LRMDA: variants seen among roughly 807,000 people sequenced by gnomAD.
LRMDA encodes leucine rich melanocyte differentiation associated, also known as leucine-rich melanocyte differentiation-associated protein.
Under a neutral mutation model 29.8 loss-of-function variants are expected in LRMDA, and 18 were observed. That is an observed-to-expected ratio of 0.60 (90% CI 0.42 to 0.90). The LOEUF (loss-of-function observed/expected upper bound fraction) is 0.90, where lower values mean the gene tolerates loss of function less well. LRMDA is among the 40% of genes least tolerant of loss of function. LRMDA has a pLI of 0.00. For synonymous variants in LRMDA, 125 were observed against 109.4 expected (o/e 1.14, Z -0.89); for missense variants, 273 against 273.9 (o/e 1.00, Z 0.02).
chr10:75,942,276 A>G (rs1028464151), intron 2 of LRMDA, among the ~76,000 whole-genome samples: 21 of 152,176 alleles, frequency 1.4e-4, no homozygotes, highest in African/African-American at 5.1e-4. Context: ...ACCTCACCCC[A>G]GATGCCCATC....
At position 76,521,332 on chromosome 10, in the gene LRMDA, C is replaced by T. The variant is rs148036119; in HGVS notation, c.602-35877C>T. 4.3e-3 allele frequency among the ~76,000 whole-genome samples: 660 copies of T among 152,216 alleles called. 1 individual carries two copies. The highest frequency in any genetic ancestry group is 0.015 in the African/African-American group (617 of 41,542). ...TGTATTTTTAGTAGAGACGGGGTTTCACCGTGTTAACCAGGATAGTCTCAA... is the reference window on the plus strand; with the variant it reads ...TGTATTTTTAGTAGAGACGGGGTTTTACCGTGTTAACCAGGATAGTCTCAA... On this transcript the variant is annotated intron_variant, in intron 6 of 6. Coordinates refer to ENST00000611255, the MANE Select transcript of LRMDA (RefSeq NM_001305581.2).
intron 6 of LRMDA, among the ~76,000 whole-genome samples, chr10:76,417,371 A>G (rs943215755): frequency 6.6e-6 from 1 of 152,184 alleles, no homozygotes; most frequent in Non-Finnish European, 1.5e-5. Flanking sequence ...TTGCCAACTT[A>G]TTTTAAAATA....
intron 5 of LRMDA, among the ~76,000 whole-genome samples, chr10:76,228,059 G>A (rs149398018): frequency 1.1e-3 from 168 of 148,050 alleles, no homozygotes; most frequent in African/African-American, 3.9e-3. Flanking sequence ...GTCTCGCTCT[G>A]TTGCTAGGCT....
At chr10:76,383,719 C>T (rs913912904) in intron 6 of LRMDA, among the ~76,000 whole-genome samples, 9 of 151,986 alleles carry the variant, frequency 5.9e-5, no homozygotes, top group South Asian at 2.1e-4. Context: ...CGTGAGCCAC[C>T]GCGCCCGGCC....
intron 2 of LRMDA, among the ~76,000 whole-genome samples, chr10:76,008,166 G>T (rs1847706897): frequency 1.3e-5 from 2 of 152,134 alleles, no homozygotes; most frequent in Non-Finnish European, 1.5e-5. Flanking sequence ...TTTGCGTTGG[G>T]GTGGCTAATG....
At chr10:76,370,623 A>G (rs1589154593) in intron 6 of LRMDA, among the ~76,000 whole-genome samples, 1 of 152,190 alleles carries the variant, frequency 6.6e-6, no homozygotes, top group Non-Finnish European at 1.5e-5. Flanking sequence ...GAAAGACTAT[A>G]TTCGTATAAC....
intron 2 of LRMDA, among the ~76,000 whole-genome samples, chr10:75,848,114 A>G (rs968263327): frequency 6.6e-6 from 1 of 152,340 alleles, no homozygotes; most frequent in East Asian, 1.9e-4. Context: ...TTTCTCACTT[A>G]TGTTCATTGC....
At chr10:76,216,116 G>A (rs970695516) in intron 5 of LRMDA, among the ~76,000 whole-genome samples, 1 of 152,204 alleles carries the variant, frequency 6.6e-6, no homozygotes. Flanking sequence ...CATTTTGGGA[G>A]GCCAACACAG....
intron 4 of LRMDA, among the ~76,000 whole-genome samples, chr10:76,050,871 A>T (rs764746002): frequency 5.3e-5 from 8 of 152,140 alleles, no homozygotes; most frequent in Non-Finnish European, 1.2e-4. Flanking sequence ...TCTGGACTTC[A>T]CCTTTCAAAT....
intron 2 of LRMDA, among the ~76,000 whole-genome samples, chr10:75,960,974 C>A (rs1846754918): frequency 6.6e-6 from 1 of 152,158 alleles, no homozygotes; most frequent in Admixed American, 6.6e-5. Context: ...GCCCATCTTT[C>A]TATCCTAGGG....
chr10:75,854,548 A>T (rs564871029), intron 2 of LRMDA, among the ~76,000 whole-genome samples: 6 of 152,024 alleles, frequency 3.9e-5, no homozygotes, highest in South Asian at 2.1e-4. Flanking sequence ...AAAAATGACC[A>T]ATTTATTTAT....
At chr10:76,150,295 G>A (rs767775233) in intron 5 of LRMDA, among the ~76,000 whole-genome samples, 2 of 152,198 alleles carry the variant, frequency 1.3e-5, no homozygotes, top group East Asian at 1.9e-4. Flanking sequence ...CTGGGCATGC[G>A]TGTGGGTGCC....
At chr10:75,457,749 T>G (rs1844537315) in intron 2 of LRMDA, among the ~76,000 whole-genome samples, 1 of 152,224 alleles carries the variant, frequency 6.6e-6, no homozygotes, top group East Asian at 1.9e-4. Flanking sequence ...GCATTTTCCA[T>G]CAGTTACAGG....
intron 6 of LRMDA, among the ~76,000 whole-genome samples, chr10:76,467,229 A>G (rs1349553411): frequency 6.6e-6 from 1 of 152,174 alleles, no homozygotes; most frequent in African/African-American, 2.4e-5. Flanking sequence ...GTAGGGTGAG[A>G]TTACAATGTA....
chr10:75,702,890 A>G (rs1252997137), intron 2 of LRMDA, among the ~76,000 whole-genome samples: 1 of 152,218 alleles, frequency 6.6e-6, no homozygotes, highest in Non-Finnish European at 1.5e-5. Context: ...TCAACTGACT[A>G]GTAAGCACAG....
Position 76,363,215 on chromosome 10 carries a change from A to AAGGGAGAGAGAG in LRMDA, c.601+38732_601+38733insGGAGAGAGAGAG, listed in dbSNP as rs1491098591. 4.2e-3 allele frequency among the ~76,000 whole-genome samples: 104 copies of AAGGGAGAGAGAG among 25,002 alleles called. 9 individuals are homozygous for AAGGGAGAGAGAG. The highest frequency in any genetic ancestry group is 9.0e-3 in the East Asian group (16 of 1,774). The allele number at this position is 25,002 out of a possible 152,430, so 16.4% of individuals were successfully genotyped here. ...GAGGGAGGGAGGGAGGGAGGGAAGG[A>AAGGGAGAGAGAG]AGAGAAAGAAAGAAAGAAAGAAAGA... On this transcript the variant is annotated intron_variant, in intron 6 of 6. Transcript: ENST00000611255.
At position 76,450,651 on chromosome 10, in the gene LRMDA, T is replaced by C. The variant is rs149124499; in HGVS notation, c.602-106558T>C. Among the ~76,000 whole-genome samples the C allele has an allele frequency of 3.3e-5, 5 of 152,312 alleles. No individual in the cohort carries two copies. The East Asian group carries it at 9.6e-4, about 29-fold the overall frequency. ...CCTCGGAATATTGAGAAATATTCTTTAAATTTTCTTCCACATTATTATTTT... is the reference window on the plus strand; with the variant it reads ...CCTCGGAATATTGAGAAATATTCTTCAAATTTTCTTCCACATTATTATTTT... On this transcript the variant is annotated intron_variant, in intron 6 of 6. Coordinates refer to ENST00000611255, the MANE Select transcript of LRMDA (RefSeq NM_001305581.2).
At chr10:76,228,748 T>C (rs925953898) in intron 5 of LRMDA, among the ~76,000 whole-genome samples, 3 of 152,134 alleles carry the variant, frequency 2.0e-5, no homozygotes, top group Non-Finnish European at 2.9e-5. Context: ...ATTGGGGACA[T>C]TGCACATCTT....
At chr10:76,165,903 C>T (rs904638420) in intron 5 of LRMDA, among the ~76,000 whole-genome samples, 1 of 152,170 alleles carries the variant, frequency 6.6e-6, no homozygotes, top group Non-Finnish European at 1.5e-5. Context: ...TCATTCAGCA[C>T]ATATTCAGTG....
Sources: gnomAD v4.1 joint callset for allele counts (sites outside exome capture counted in the v4.1 genomes callset) on GRCh38, gnomAD v4.1.1 for gene constraint, MANE v1.5 for transcripts, NCBI Gene and HGNC (gene_info 2026-07-23, HGNC 2026-07-21) for gene names.